Variants in RIMS1 observed in about 807,000 individuals in gnomAD.
RIMS1 encodes the protein regulating synaptic membrane exocytosis 1.
Under a neutral mutation model 214.1 loss-of-function variants are expected in RIMS1, and 83 were observed. The observed-to-expected ratio is 0.39, with a 90% CI of 0.32 to 0.47. The LOEUF (loss-of-function observed/expected upper bound fraction) is 0.47, where lower values mean the gene tolerates loss of function less well. Ranked by LOEUF, RIMS1 falls within the 20% of genes least tolerant of loss-of-function variation. The pLI, the probability that RIMS1 is intolerant of heterozygous loss-of-function variation, is 0.99. For synonymous variants in RIMS1, 793 were observed against 786.8 expected, an observed-to-expected ratio of 1.01 and a Z score of -0.13; for missense variants, 2,050 against 2,161.8, an observed-to-expected ratio of 0.95 and a Z score of 1.03.
chr6:72,262,441 C>G, intron 19 of RIMS1: 1 of 985,034 alleles, frequency 1.0e-6, no homozygotes, highest in Non-Finnish European at 1.2e-6. Flanking sequence ...GGTACTACGA[C>G]AATAAGATAG....
chr6:71,908,726 A>G (rs1776011914), intron 1 of RIMS1, among the ~76,000 whole-genome samples: 1 of 152,202 alleles, frequency 6.6e-6, no homozygotes, highest in African/African-American at 2.4e-5. Flanking sequence ...TTTTCCCTTC[A>G]GCATGATGTT....
rs568259900 is a variant in RIMS1, at chr6:72,252,234, T to G, written c.2699-527T>G. ...TTCTCACATAATTAAATATTTCATG[T>G]TGATGCTTCCCTGATCAGTAATTTC... On this transcript the variant is annotated intron_variant, in intron 15 of 33. Coordinates refer to ENST00000521978, the MANE Select transcript of RIMS1 (RefSeq NM_014989.7). Among the ~76,000 whole-genome samples the G allele has an allele frequency of 2.0e-5, 3 of 152,222 alleles. No individual in the cohort carries two copies. In the South Asian group the frequency reaches 6.2e-4, roughly 31 times the overall value.
At chr6:72,138,965 A>G (rs187504686) in intron 4 of RIMS1, among the ~76,000 whole-genome samples, 2 of 152,290 alleles carry the variant, frequency 1.3e-5, no homozygotes, top group African/African-American at 4.8e-5. Context: ...AATTCTAGGG[A>G]AATTACAGAT....
intron 2 of RIMS1, among the ~76,000 whole-genome samples, chr6:72,003,920 C>T (rs571958326): frequency 6.0e-5 from 9 of 150,444 alleles, no homozygotes; most frequent in South Asian, 4.2e-4. Flanking sequence ...GCACAATCTG[C>T]AGGTTAGTTA....
chr6:71,924,086 T>C (rs1444815652), intron 1 of RIMS1, among the ~76,000 whole-genome samples: 1 of 152,212 alleles, frequency 6.6e-6, no homozygotes, highest in Non-Finnish European at 1.5e-5. Context: ...TAGTTTTGTC[T>C]TATTAGGCAC....
chr6:72,002,325 A>C (rs1225213590), intron 2 of RIMS1, among the ~76,000 whole-genome samples: 1 of 152,176 alleles, frequency 6.6e-6, no homozygotes, highest in Non-Finnish European at 1.5e-5. Context: ...AAAATTACAA[A>C]GTTCTAAAAT....
chr6:72,231,729 T>C (rs1219220263), intron 6 of RIMS1, among the ~76,000 whole-genome samples: 2 of 151,692 alleles, frequency 1.3e-5, no homozygotes, highest in African/African-American at 4.8e-5. Context: ...CATAATAAAG[T>C]GTGTTGAGTA....
intron 24 of RIMS1, among the ~76,000 whole-genome samples, chr6:72,286,732 A>G (rs2092386089): frequency 6.8e-6 from 1 of 147,048 alleles, no homozygotes; most frequent in South Asian, 2.1e-4. Flanking sequence ...AACCGAAGAC[A>G]CAGTATAAAT....
intron 19 of RIMS1, chr6:72,263,603 A>C: frequency 1.0e-6 from 1 of 985,388 alleles, no homozygotes; most frequent in Non-Finnish European, 1.2e-6. Context: ...GTTTTATAGC[A>C]ACCTATTACT....
At position 72,161,562 on chromosome 6, in the gene RIMS1, T is replaced by C. The variant is rs563223709; in HGVS notation, c.472-18013T>C. Among the ~76,000 whole-genome samples the C allele has an allele frequency of 3.9e-4, 55 of 140,538 alleles. 7 individuals carry two copies. Among genetic ancestry groups the C allele is most frequent in the Non-Finnish European group, 7.1e-4 (44 of 61,890 alleles). The allele number at this position is 140,538 out of a possible 152,430, so 92.2% of individuals were successfully genotyped here. A position where few individuals can be genotyped will look rare whatever the true frequency, so the allele number is the denominator to read the frequency against. The stretch of plus-strand genomic sequence containing the variant: ...TTCCCTCTAAACACTGCTTTGAATG[T>C]GTCCCAGAGATTCTGGTATGTTGTG... On this transcript the variant is annotated intron_variant, in intron 4 of 33. Coordinates refer to ENST00000521978, the MANE Select transcript of RIMS1 (RefSeq NM_014989.7).
intron 16 of RIMS1, among the ~76,000 whole-genome samples, chr6:72,255,094 A>G (rs1277554321): frequency 2.0e-5 from 3 of 152,180 alleles, no homozygotes; most frequent in African/African-American, 7.2e-5. Flanking sequence ...CATTGTAATT[A>G]TGTGGTAGTA....
intron 4 of RIMS1, among the ~76,000 whole-genome samples, chr6:72,170,879 G>A (rs2046935905): frequency 6.6e-6 from 1 of 152,038 alleles, no homozygotes; most frequent in South Asian, 2.1e-4. Flanking sequence ...GTTGTATGAT[G>A]CTAATAAAAA....
intron 6 of RIMS1, among the ~76,000 whole-genome samples, chr6:72,227,989 AC>A (rs1364657109): frequency 1.3e-5 from 2 of 151,958 alleles, no homozygotes; most frequent in Non-Finnish European, 2.9e-5. Context: ...AAACCACTTC[AC>A]TGAGGTATAT....
chr6:72,383,316 T>C (rs951797850), intron 29 of RIMS1, among the ~76,000 whole-genome samples: 5 of 152,198 alleles, frequency 3.3e-5, no homozygotes, highest in African/African-American at 1.2e-4. Context: ...GTTTCTTTCC[T>C]TTTCACACTT....
chr6:72,032,368 C>T (rs1818370349), intron 2 of RIMS1, among the ~76,000 whole-genome samples: 1 of 152,168 alleles, frequency 6.6e-6, no homozygotes. Flanking sequence ...ACTTTAGCTT[C>T]CTGGAGCTCT....
rs186477142 is a variant in RIMS1, at chr6:71,909,607, G to T, written c.164+22420G>T. 1.4e-4 allele frequency among the ~76,000 whole-genome samples: 21 copies of T among 152,028 alleles called. No homozygotes were observed. In the East Asian group the frequency reaches 4.1e-3, roughly 29 times the overall value. ...TACTTAATTAAAATAATGTTTTGGC[G>T]CTGGCTTGCATTAGAAAATACAGAG... On this transcript the variant is annotated intron_variant, in intron 1 of 33. Coordinates refer to ENST00000521978, the MANE Select transcript of RIMS1 (RefSeq NM_014989.7).
In RIMS1 at chr6:72,313,689, G is replaced by C; in HGVS notation, c.4130+17G>C. 6.3e-7 allele frequency: 1 copy of C among 1,596,704 alleles called. No individual in the cohort carries two copies. Among genetic ancestry groups the C allele is most frequent in the Non-Finnish European group, 8.5e-7 (1 of 1,170,778 alleles). On this transcript the variant is annotated intron_variant, in intron 28 of 33. Coordinates refer to ENST00000521978, the MANE Select transcript of RIMS1 (RefSeq NM_014989.7). The stretch of plus-strand genomic sequence containing the variant: ...TAGAATCAGGTGAGTTGGCAATACT[G>C]TTTATATAAACTGGATCTTTATCTG...
At chr6:72,250,810 C>A (rs6918073) in intron 13 of RIMS1, 111 bp from the exon 14 acceptor site, 414,321 of 619,184 alleles carry the variant, frequency 0.67, 142,020 homozygotes, top group East Asian at 0.98. Context: ...ATAGACTTTC[C>A]ATGAGTTATT....
rs147171368 is a variant in RIMS1, at chr6:72,360,455, G to C, written c.4366+26620G>C. ...CTGTATTTGTGAGAAAATGCCAAAGGGTCTACAGTACACTGTTATTCAATG... is the reference window on the plus strand; with the variant it reads ...CTGTATTTGTGAGAAAATGCCAAAGCGTCTACAGTACACTGTTATTCAATG... On this transcript the variant is annotated intron_variant, in intron 29 of 33. Transcript: ENST00000521978. Among the ~76,000 whole-genome samples the C allele has an allele frequency of 4.5e-3, 677 of 152,042 alleles. 2 individuals carry two copies. Among genetic ancestry groups the C allele is most frequent in the Non-Finnish European group, 7.2e-3 (487 of 67,962 alleles).
Sources: gnomAD v4.1 joint callset for allele counts (sites outside exome capture counted in the v4.1 genomes callset) on GRCh38, gnomAD v4.1.1 for gene constraint, MANE v1.5 for transcripts, NCBI Gene and HGNC (gene_info 2026-07-23, HGNC 2026-07-21) for gene names.